Variants in SLC8A1 observed in about 807,000 individuals in gnomAD.
SLC8A1 encodes sodium/calcium exchanger 1.
In SLC8A1, 18 loss-of-function variants were observed where a neutral mutation model predicts 68.3. The ratio of observed to expected loss-of-function variants is 0.26; its 90% CI spans 0.18 to 0.39. The LOEUF (loss-of-function observed/expected upper bound fraction) is 0.39, where lower values mean the gene tolerates loss of function less well. SLC8A1 is among the 10% of genes least tolerant of loss of function. The probability of loss-of-function intolerance (pLI) is 1.00; values close to 1 mark genes in which losing one functional copy is unlikely to be tolerated. For missense variants in SLC8A1, 985 were observed against 1,156.7 expected (o/e 0.85, Z 2.15); for synonymous variants, 475 against 415.5 (o/e 1.14, Z -1.74).
chr2:40,235,908 T>C (rs2148926262), intron 2 of SLC8A1, among the ~76,000 whole-genome samples: 1 of 151,812 alleles, frequency 6.6e-6, no homozygotes, highest in East Asian at 1.9e-4. Context: ...AGTTGAGGGG[T>C]TTTGAGTGAG....
intron 2 of SLC8A1, among the ~76,000 whole-genome samples, chr2:40,193,884 A>G (rs990023815): frequency 2.5e-4 from 38 of 152,038 alleles, no homozygotes; most frequent in African/African-American, 8.2e-4. Context: ...CTGGCCCCCT[A>G]TCTCCAGTCT....
rs146644762 is a variant in SLC8A1 at position 40,321,716 on chromosome 2, A to G, written c.1808+106757T>C. On this transcript the variant is annotated intron_variant, in intron 2 of 7. Coordinates refer to ENST00000406785, the Ensembl canonical transcript of SLC8A1. ...TCTTGTGAGAACTCACTATCACAAG[A>G]ACAGCATGGAGGTAGCCACCCCCAT... is the stretch of plus-strand genomic sequence containing the variant. Among the ~76,000 whole-genome samples, 769 of 152,220 alleles carry G rather than the reference A, an allele frequency of 5.1e-3. 3 individuals carry two copies. Among genetic ancestry groups the G allele is most frequent in the Middle Eastern group, 0.031 (9 of 294 alleles).
chr2:40,506,210 C>T (rs911676555), intron 1 of SLC8A1, among the ~76,000 whole-genome samples: 2 of 150,504 alleles, frequency 1.3e-5, no homozygotes, highest in African/African-American at 2.4e-5. Context: ...AAGTTTACAA[C>T]GTTGGTGAAT....
At chr2:40,195,550 CTA>C (rs1331774218) in intron 2 of SLC8A1, among the ~76,000 whole-genome samples, 1 of 151,978 alleles carries the variant, frequency 6.6e-6, no homozygotes, top group African/African-American at 2.4e-5. Flanking sequence ...TTCTGTATGA[CTA>C]TATCTTTATG....
chr2:40,296,501 C>A (rs2070412701), intron 2 of SLC8A1, among the ~76,000 whole-genome samples: 1 of 152,074 alleles, frequency 6.6e-6, no homozygotes, highest in Admixed American at 6.5e-5. Flanking sequence ...ATTGAAGTTC[C>A]CAAAGCCAAA....
exon 2 of SLC8A1, chr2:40,429,698 T>C: frequency 6.2e-7 from 1 of 1,613,868 alleles, no homozygotes; most frequent in Non-Finnish European, 8.5e-7. Context: ...ATCTTCCTTG[T>C]CTCTCCGTCA....
chr2:40,269,466 C>T (rs987700585), intron 2 of SLC8A1, among the ~76,000 whole-genome samples: 15 of 151,970 alleles, frequency 9.9e-5, no homozygotes, highest in Non-Finnish European at 1.5e-4. Context: ...GGAAAGGTAG[C>T]GAAAAAGTTA....
intron 2 of SLC8A1, among the ~76,000 whole-genome samples, chr2:40,204,667 A>T (rs2055043425): frequency 6.6e-6 from 1 of 152,032 alleles, no homozygotes; most frequent in African/African-American, 2.4e-5. Flanking sequence ...CAGACAGGTT[A>T]GTCCAACAGA....
intron 2 of SLC8A1, among the ~76,000 whole-genome samples, chr2:40,312,032 GATTT>G (rs979575964): frequency 3.3e-5 from 5 of 151,972 alleles, no homozygotes; most frequent in Non-Finnish European, 7.4e-5. Context: ...CACTCCTTTT[GATTT>G]ATTAAATCAC....
chr2:40,351,802 G>A (rs1422720861), intron 2 of SLC8A1, among the ~76,000 whole-genome samples: 1 of 151,990 alleles, frequency 6.6e-6, no homozygotes, highest in African/African-American at 2.4e-5. Context: ...TTGTAGAGAT[G>A]GTAGGAATGA....
chr2:40,101,613 T>C (rs941496563), exon 8 of SLC8A1: 1 of 152,136 alleles, frequency 6.6e-6, no homozygotes, highest in African/African-American at 2.4e-5. Context: ...ATATTTTAAG[T>C]CTGAATGGTG....
At chr2:40,168,152 A>C (rs379556) in intron 4 of SLC8A1, among the ~76,000 whole-genome samples, 9,206 of 152,228 alleles carry the variant, frequency 0.06, 303 homozygotes, top group African/African-American at 0.088. Context: ...GGGGACAGGA[A>C]TAGACAATGG....
rs906695189 is a variant in SLC8A1, at chr2:40,174,207, A to G, written c.1930+618T>C. Reference sequence around the variant, plus strand: ...TGCTCAACATGATATTATATTATGTATTATAAATTATATATTTACATACAT... The same window carrying G: ...TGCTCAACATGATATTATATTATGTGTTATAAATTATATATTTACATACAT... On this transcript the variant is annotated intron_variant, in intron 4 of 7. Coordinates refer to ENST00000406785, the Ensembl canonical transcript of SLC8A1. Among the ~76,000 whole-genome samples the G allele has an allele frequency of 2.0e-5, 3 of 152,046 alleles. No individual in the cohort carries two copies. The East Asian group carries it at 5.8e-4, about 29-fold the overall frequency.
intron 2 of SLC8A1, among the ~76,000 whole-genome samples, chr2:40,198,645 C>A (rs1309099599): frequency 2.6e-5 from 4 of 151,516 alleles, no homozygotes; most frequent in African/African-American, 9.7e-5. Flanking sequence ...AGAATAAAAC[C>A]CAAAGTCAGA....
intron 6 of SLC8A1, among the ~76,000 whole-genome samples, chr2:40,158,050 A>G (rs1163564112): frequency 1.3e-5 from 2 of 152,168 alleles, no homozygotes; most frequent in Non-Finnish European, 2.9e-5. Context: ...CCTATTTACA[A>G]AATTATTATT....
rs56145701 is a variant in SLC8A1 at position 40,277,794 on chromosome 2, G to GTATATATATATATA, written c.1809-99953_1809-99940dup. Among the ~76,000 whole-genome samples, 464 of 107,808 alleles carry GTATATATATATATA rather than the reference G, an allele frequency of 4.3e-3. 1 individual carries two copies. Among genetic ancestry groups the GTATATATATATATA allele is most frequent in the East Asian group, 0.017 (48 of 2,774 alleles). 70.7% of individuals were successfully genotyped at this position (107,808 alleles called of 152,430 possible). On this transcript the variant is annotated intron_variant, in intron 2 of 7. Coordinates refer to ENST00000406785, the Ensembl canonical transcript of SLC8A1. Reference sequence around the variant, plus strand: ...TATGTATAAATATATATATATGTGTGTATATATATATATATATATATATAT... The same window carrying GTATATATATATATA: ...TATGTATAAATATATATATATGTGTGTATATATATATATATATATATATATATATATATATATAT...
At chr2:40,320,633 G>A (rs532935061) in intron 2 of SLC8A1, among the ~76,000 whole-genome samples, 36 of 152,214 alleles carry the variant, frequency 2.4e-4, no homozygotes, top group African/African-American at 4.6e-4. Context: ...ACTTTGATGC[G>A]TGTCTCACTG....
chr2:40,297,482 AT>A (rs551229831), intron 2 of SLC8A1, among the ~76,000 whole-genome samples: 1 of 152,272 alleles, frequency 6.6e-6, no homozygotes, highest in Non-Finnish European at 1.5e-5. Flanking sequence ...ACGATGACCC[AT>A]TTTTTGTAAC....
chr2:40,233,188 T>C (rs956598166), intron 2 of SLC8A1, among the ~76,000 whole-genome samples: 18 of 152,134 alleles, frequency 1.2e-4, no homozygotes, highest in African/African-American at 4.3e-4. Context: ...ACTTCCACAA[T>C]GGTTGAACTA....
Sources: gnomAD v4.1 joint callset for allele counts (sites outside exome capture counted in the v4.1 genomes callset) on GRCh38, gnomAD v4.1.1 for gene constraint, MANE v1.5 for transcripts, NCBI Gene and HGNC (gene_info 2026-07-23, HGNC 2026-07-21) for gene names.